The following GAD1 variants were observed in gnomAD, a reference collection of about 807,000 sequenced individuals.
GAD1 encodes 67 kDa glutamic acid decarboxylase.
In GAD1, 35 loss-of-function variants were observed where a neutral mutation model predicts 75.2. The observed-to-expected ratio is 0.47, with a 90% CI of 0.36 to 0.62. The LOEUF is 0.62. Ranked by LOEUF, GAD1 falls within the 20% of genes least tolerant of loss-of-function variation. The pLI, the probability that GAD1 is intolerant of heterozygous loss-of-function variation, is 0.00. For synonymous variants in GAD1, 257 were observed against 271.9 expected (o/e 0.95, Z 0.54); for missense variants, 490 against 758.5 (o/e 0.65, Z 4.16).
chr2:170,828,387 C>A (rs1702094976), intron 3 of GAD1, among the ~76,000 whole-genome samples: 1 of 145,588 alleles, frequency 6.9e-6, no homozygotes, highest in South Asian at 2.2e-4. Flanking sequence ...TCCTCACCCT[C>A]CTCCCTCTGC....
chr2:170,817,228 C>CCG (rs1477748341), intron 1 of GAD1, 180 bp downstream of exon 1: 1 of 100,164 alleles, frequency 1.0e-5, no homozygotes, highest in African/African-American at 3.0e-5. Context: ...CGCAGGGACC[C>CCG]CCCCCCCCCC....
chr2:170,849,186 G>A, intron 11 of GAD1, 100 bp from the exon 12 acceptor site: 2 of 1,010,406 alleles, frequency 2.0e-6, no homozygotes, highest in Non-Finnish European at 1.6e-6. Context: ...TTTTCACCTT[G>A]TACTTTCTTG....
rs762021043 is a variant in GAD1, at chr2:170,846,032, T to G, written c.971T>G (p.Phe324Cys). ...NERGKIIPAD[F>C]EAKILEAKQK... The stretch of plus-strand genomic sequence containing the variant: ...AGGGGGAAAATAATTCCAGCTGATT[T>G]TGAGGCAAAAATTCTTGAAGCCAAA... Residue 324 changes from phenylalanine (F) to cysteine (C), a missense_variant, in exon 10 of 17, where the codon TTT becomes TGT. Physicochemically the swap from Phe to Cys is radical, Grantham distance 205 (BLOSUM62 -2). This residue lies in a region of GAD1 where 324 missense variants were observed against 523.9 expected (regional missense o/e 0.62). Coordinates refer to ENST00000358196, the MANE Select transcript of GAD1 (RefSeq NM_000817.3). The G allele has an allele frequency of 2.5e-6, 4 of 1,613,792 alleles. No individual in the cohort carries two copies. The South Asian group carries it at 4.4e-5, about 18-fold the overall frequency.
Position 170,818,733 on chromosome 2 carries a change from G to T in GAD1, c.82+60G>T, listed in dbSNP as rs1001840084. 1.2e-5 allele frequency: 18 copies of T among 1,517,724 alleles called. No individual in the cohort carries two copies. Among genetic ancestry groups the T allele is most frequent in the Admixed American group, 1.2e-4 (7 of 59,880 alleles). The allele number at this position is 1,517,724 out of a possible 1,614,324, so 94.0% of individuals were successfully genotyped here. A position where few individuals can be genotyped will look rare whatever the true frequency, so the allele number is the denominator to read the frequency against. ...GCAGGGAAGATGGGGGCGCTGGGAC[G>T]TCGGGAGGCTGAGCTGGCGGAAAGG... On this transcript the variant is annotated intron_variant, in intron 2 of 16. Coordinates refer to ENST00000358196, the MANE Select transcript of GAD1 (RefSeq NM_000817.3). The surrounding 1 kb of genome is among the most constrained non-coding windows in gnomAD (Gnocchi z 5.9).
At chr2:170,814,841 G>C (rs3762558), upstream of GAD1, among the ~76,000 whole-genome samples, 2 of 152,252 alleles carry the variant, frequency 1.3e-5, no homozygotes, top group African/African-American at 2.4e-5. Context: ...AAAACGTTAG[G>C]GGTGTTTTGA....
At chr2:170,840,081 G>C (rs118185936) in intron 6 of GAD1, among the ~76,000 whole-genome samples, 6 of 152,092 alleles carry the variant, frequency 3.9e-5, no homozygotes, top group African/African-American at 1.4e-4. Context: ...ACACTAACTC[G>C]GAGATCTTAA....
intron 5 of GAD1, among the ~76,000 whole-genome samples, chr2:170,834,031 A>G (rs1013706761): frequency 6.6e-6 from 1 of 151,792 alleles, no homozygotes; most frequent in African/African-American, 2.4e-5. Context: ...AGAGAGAGAA[A>G]GCATTGACTT....
At chr2:170,834,277 T>C (rs916410286) in intron 5 of GAD1, among the ~76,000 whole-genome samples, 1 of 152,176 alleles carries the variant, frequency 6.6e-6, no homozygotes, top group East Asian at 1.9e-4. Flanking sequence ...TAAGGAGCAA[T>C]AGGGTAAACC....
intron 2 of GAD1, chr2:170,821,593 C>A (rs1419220687): frequency 5.9e-6 from 1 of 169,722 alleles, no homozygotes; most frequent in Non-Finnish European, 1.3e-5. Context: ...CCATTTCATG[C>A]CAGTTTATTT....
rs574807976 is a variant in GAD1 at position 170,828,446 on chromosome 2, G to A, written c.146-1029G>A. ...TGTCCTCACCCCTCCTCTTCCCTCC[G>A]CGGTCCTCGCTGTCCTCCCTCTGCT... On this transcript the variant is annotated intron_variant, in intron 3 of 16. Transcript: ENST00000358196. Among the ~76,000 whole-genome samples the A allele has an allele frequency of 9.3e-3, 991 of 106,092 alleles. 17 individuals carry two copies. Among genetic ancestry groups the A allele is most frequent in the African/African-American group, 0.035 (922 of 26,646 alleles). The allele number at this position is 106,092 out of a possible 152,430, so 69.6% of individuals were successfully genotyped here.
intron 6 of GAD1, among the ~76,000 whole-genome samples, chr2:170,838,886 A>G (rs1034142512): frequency 4.6e-5 from 7 of 152,246 alleles, no homozygotes; most frequent in African/African-American, 1.7e-4. Flanking sequence ...ATAAAATATG[A>G]CCGATTCCAA....
At position 170,860,033 on chromosome 2, in the gene GAD1, G is replaced by T; in HGVS notation, c.*151G>T. 3.9e-6 allele frequency: 3 copies of T among 768,090 alleles called. No homozygotes were observed. The highest frequency in any genetic ancestry group is 6.5e-6 in the Non-Finnish European group (3 of 460,710). The allele number at this position is 768,090 out of a possible 1,614,324, so 47.6% of individuals were successfully genotyped here. ...ATTGTTAAAACCTTACTTAAAGCTT[G>T]TTTGTTCTAGTTAGCAGGAAATAGT... On this transcript the variant is annotated 3_prime_UTR_variant, in exon 17 of 17. Coordinates refer to ENST00000358196, the MANE Select transcript of GAD1 (RefSeq NM_000817.3).
chr2:170,827,957 G>T (rs757387170), intron 3 of GAD1, among the ~76,000 whole-genome samples: 1 of 152,096 alleles, frequency 6.6e-6, no homozygotes, highest in Non-Finnish European at 1.5e-5. Context: ...TACCACTTAC[G>T]TTCAACCCTG....
intron 3 of GAD1, among the ~76,000 whole-genome samples, chr2:170,828,592 ACCCCT>A (rs1702112393): frequency 1.6e-5 from 1 of 61,052 alleles, no homozygotes; most frequent in Non-Finnish European, 3.1e-5. Flanking sequence ...TGCTGTCCTC[ACCCCT>A]CCTCTTCCCT....
intron 7 of GAD1, 34 bp downstream of exon 7, chr2:170,844,191 T>G: frequency 8.2e-7 from 1 of 1,213,020 alleles, no homozygotes; most frequent in South Asian, 1.2e-5. Context: ...TCTCAAGGTT[T>G]GGGATTCTTA....
chr2:170,834,901 C>T (rs1425884189), intron 5 of GAD1, among the ~76,000 whole-genome samples: 1 of 151,956 alleles, frequency 6.6e-6, no homozygotes, highest in Middle Eastern at 3.4e-3. Flanking sequence ...TCCTGAGAAG[C>T]TGGGATTATA....
chr2:170,854,068 A>G (rs1315701024), intron 14 of GAD1, 46 bp downstream of exon 14: 1 of 1,609,824 alleles, frequency 6.2e-7, no homozygotes, highest in East Asian at 2.2e-5. Flanking sequence ...TGTAATTTGC[A>G]CAGACTGGCT....
At position 170,840,645 on chromosome 2, in the gene GAD1, G is replaced by C. The variant is rs1358607024; in HGVS notation, c.639-3400G>C. Among the ~76,000 whole-genome samples the C allele has an allele frequency of 3.4e-5, 4 of 117,290 alleles. No individual in the cohort carries two copies. The East Asian group carries it at 1.1e-3, about 32-fold the overall frequency. 76.9% of individuals were successfully genotyped at this position (117,290 alleles called of 152,430 possible). On this transcript the variant is annotated intron_variant, in intron 6 of 16. Coordinates refer to ENST00000358196, the MANE Select transcript of GAD1 (RefSeq NM_000817.3). ...GGAGGAAGGGAGGAAGGGAGGAAAG[G>C]AGGGAGGTAGGGAAGGGAGGGAGGG...
chr2:170,822,025 C>T (rs549939700), intron 2 of GAD1, 62 bp from the exon 3 acceptor site: 5 of 1,348,492 alleles, frequency 3.7e-6, no homozygotes, highest in African/African-American at 1.4e-5. Flanking sequence ...CATTGTCCTC[C>T]ACCCATTTCC....
Sources: allele counts gnomAD v4.1 joint callset (sites outside exome capture counted in the v4.1 genomes callset), GRCh38; gene constraint gnomAD v4.1.1; regional missense constraint gnomAD v4.1.1; non-coding constraint Gnocchi (gnomAD v3.1); transcripts MANE v1.5; gene names NCBI Gene and HGNC (gene_info 2026-07-23, HGNC 2026-07-21).